The following PKD1L1 variants were observed in gnomAD, a reference collection of about 807,000 sequenced individuals.
PKD1L1 encodes polycystin 1 like 1, transient receptor potential channel interacting, also known as polycystin-1-like protein 1.
In PKD1L1, 236 loss-of-function variants were observed where a neutral mutation model predicts 323.4. That is an observed-to-expected ratio of 0.73 (90% confidence interval 0.66 to 0.81). PKD1L1 has a LOEUF of 0.81. Among genes scored for constraint, PKD1L1 ranks in the 40% least tolerant of loss-of-function variants. The probability of loss-of-function intolerance (pLI) is 0.00; values close to 1 mark genes in which losing one functional copy is unlikely to be tolerated. For missense variants in PKD1L1, 3,320 were observed against 3,508.0 expected (o/e 0.95, Z 1.35); for synonymous variants, 1,344 against 1,335.0 (o/e 1.01, Z -0.15).
At chr7:47,835,762 A>G (rs1263807998) in intron 37 of PKD1L1, among the ~76,000 whole-genome samples, 1 of 152,162 alleles carries the variant, frequency 6.6e-6, no homozygotes, top group Non-Finnish European at 1.5e-5. Context: ...ATAGAACTAT[A>G]TATAGAACTG....
intron 43 of PKD1L1, 26 bp downstream of exon 43, chr7:47,830,014 C>A (rs770382820): frequency 6.2e-6 from 10 of 1,607,900 alleles, no homozygotes; most frequent in South Asian, 3.3e-5. Context: ...ATGGAAGGCA[C>A]TTCTACCATG....
At chr7:47,809,278 A>G in intron 51 of PKD1L1, 195 bp downstream of exon 51, 1 of 523,726 alleles carries the variant, frequency 1.9e-6, no homozygotes, top group South Asian at 2.4e-5. Flanking sequence ...TTCGTGTGGT[A>G]CATGACGGTA....
chr7:47,893,835 C>T (rs754947465), intron 15 of PKD1L1, 43 bp downstream of exon 15: 31 of 1,582,616 alleles, frequency 2.0e-5, no homozygotes, highest in Admixed American at 7.1e-5. Flanking sequence ...GCAGAATGCG[C>T]GGTCTGAGTA....
At chr7:47,829,342 A>G in intron 44 of PKD1L1, 83 bp downstream of exon 44, 1 of 1,349,488 alleles carries the variant, frequency 7.4e-7, no homozygotes, top group Non-Finnish European at 1.0e-6. Context: ...ATCTGAATTC[A>G]AAGCCTACAT....
Position 47,813,191 on chromosome 7 carries a change from T to C in PKD1L1, c.7276A>G (p.Asn2426Asp). The C allele has an allele frequency of 6.2e-7, 1 of 1,614,170 alleles. No individual in the cohort carries two copies. The highest frequency in any genetic ancestry group is 8.5e-7 in the Non-Finnish European group (1 of 1,180,014). ...NPYLIDPENQ[N>D]VTLNGPGGCG... ...CCCCCAGGACCATTCAGGGTCACGT[T>C]TTGGTTCTCTGGGTCTATCAGGTAG... is the stretch of plus-strand genomic sequence containing the variant. Residue 2426 changes from asparagine (N) to aspartate (D), a missense_variant, in exon 49 of 57, where the codon AAC becomes GAC. Transcript: ENST00000289672.
intron 37 of PKD1L1, among the ~76,000 whole-genome samples, chr7:47,836,619 G>C (rs1360753237): frequency 6.6e-6 from 1 of 152,176 alleles, no homozygotes; most frequent in East Asian, 1.9e-4. Context: ...AAAAATTCAA[G>C]AGTGTTCTCA....
At chr7:47,819,522 C>A (rs753175929) in intron 46 of PKD1L1, 1 of 1,352,916 alleles carries the variant, frequency 7.4e-7, no homozygotes, top group Non-Finnish European at 9.8e-7. Flanking sequence ...CCTACTGGCA[C>A]AGGCTGTGCA....
chr7:47,830,576 G>C (rs1785326660), intron 42 of PKD1L1, among the ~76,000 whole-genome samples: 1 of 152,184 alleles, frequency 6.6e-6, no homozygotes, highest in African/African-American at 2.4e-5. Flanking sequence ...CTATTTTACA[G>C]ATGAGCAAAC....
chr7:47,864,637 C>CTTTCTTT (rs1562964112), intron 26 of PKD1L1, among the ~76,000 whole-genome samples: 1 of 52,770 alleles, frequency 1.9e-5, no homozygotes, highest in African/African-American at 5.7e-5. Context: ...TCTTTCTTTC[C>CTTTCTTT]TTCCTTCCTT....
intron 21 of PKD1L1, 59 bp downstream of exon 21, chr7:47,880,669 C>G: frequency 7.3e-7 from 1 of 1,375,972 alleles, no homozygotes; most frequent in African/African-American, 1.5e-5. Flanking sequence ...AGAGTAAACT[C>G]ACAGAGACGC....
intron 46 of PKD1L1, chr7:47,819,982 G>A (rs1159693681): frequency 4.8e-6 from 1 of 209,232 alleles, no homozygotes; most frequent in Non-Finnish European, 9.4e-6. Flanking sequence ...ATTCACCAGA[G>A]TAAATAAGGT....
intron 52 of PKD1L1, among the ~76,000 whole-genome samples, chr7:47,805,086 TACACACACACACACACACACAC>T (rs59085691): frequency 1.3e-5 from 2 of 150,070 alleles, no homozygotes; most frequent in Non-Finnish European, 3.0e-5. Context: ...CCTGTACAAA[TACACACACACACACACACACAC>T]ACACACACAC....
At chr7:47,834,270 T>C (rs931782192) in intron 40 of PKD1L1, 69 bp downstream of exon 40, 117 of 1,491,974 alleles carry the variant, frequency 7.8e-5, no homozygotes, top group Non-Finnish European at 1.1e-4. Context: ...CAAGGGAGGA[T>C]GCCAGAGAAA....
Position 47,830,269 on chromosome 7 carries a change from C to T in PKD1L1, c.6474-145G>A, listed in dbSNP as rs1785319583. 1.7e-5 allele frequency: 11 copies of T among 654,084 alleles called. No homozygotes were observed. In the South Asian group the frequency reaches 2.1e-4, roughly 13 times the overall value. 40.5% of individuals were successfully genotyped at this position (654,084 alleles called of 1,614,324 possible). A position where few individuals can be genotyped will look rare whatever the true frequency, so the allele number is the denominator to read the frequency against. On this transcript the variant is annotated intron_variant, in intron 42 of 56. Transcript: ENST00000289672. Reference sequence around the variant, plus strand: ...AGCCTGCTGTGGGGGTGGTGCTGGACATGGGCAGTGTCTTTCTGCTCATCG... The same window carrying T: ...AGCCTGCTGTGGGGGTGGTGCTGGATATGGGCAGTGTCTTTCTGCTCATCG...
At chr7:47,888,190 TGTGA>T (rs1786726534) in intron 16 of PKD1L1, 40 bp from the exon 17 acceptor site, 1 of 1,579,220 alleles carries the variant, frequency 6.3e-7, no homozygotes, top group Admixed American at 1.7e-5. Context: ...AGGAAAATAA[TGTGA>T]GGGTTCTTTG....
chr7:47,865,694 T>A (rs1024360625), intron 25 of PKD1L1, among the ~76,000 whole-genome samples: 3 of 151,960 alleles, frequency 2.0e-5, no homozygotes, highest in South Asian at 2.1e-4. Context: ...CATGCCATTC[T>A]ACTGCCTCAG....
intron 7 of PKD1L1, 130 bp from the exon 8 acceptor site, chr7:47,915,729 G>A (rs1787414710): frequency 1.8e-6 from 1 of 550,858 alleles, no homozygotes; most frequent in Non-Finnish European, 3.1e-6. Flanking sequence ...ACCAATTAAG[G>A]AAGGAAAAAG....
chr7:47,912,815 CAAAAAAAAAAA>C (rs59792729), intron 8 of PKD1L1, among the ~76,000 whole-genome samples: 1 of 63,636 alleles, frequency 1.6e-5, no homozygotes, highest in African/African-American at 6.7e-5. Flanking sequence ...GACTGTGTCT[CAAAAAAAAAAA>C]AAAAAAAAAA....
At chr7:47,824,255 T>C (rs760802739) in intron 45 of PKD1L1, among the ~76,000 whole-genome samples, 2 of 152,192 alleles carry the variant, frequency 1.3e-5, no homozygotes, top group African/African-American at 2.4e-5. Context: ...AAAACCCACA[T>C]GATTCCATAC....
Sources: gnomAD v4.1 joint callset for allele counts (sites outside exome capture counted in the v4.1 genomes callset) on GRCh38, gnomAD v4.1.1 for gene constraint, MANE v1.5 for transcripts, NCBI Gene and HGNC (gene_info 2026-07-23, HGNC 2026-07-21) for gene names.